The following LTN1 variants were observed in gnomAD, a reference collection of about 807,000 sequenced individuals.
LTN1 encodes the protein listerin E3 ubiquitin protein ligase 1.
In LTN1, 88 loss-of-function variants were observed where a neutral mutation model predicts 201.2. That is an observed-to-expected ratio of 0.44 (90% confidence interval 0.37 to 0.52). The LOEUF (loss-of-function observed/expected upper bound fraction) is 0.52, where lower values mean the gene tolerates loss of function less well. Among genes scored for constraint, LTN1 ranks in the 20% least tolerant of loss-of-function variants. LTN1 has a pLI of 0.00. For synonymous variants in LTN1, 645 were observed against 713.5 expected (o/e 0.90, Z 1.53); for missense variants, 1,752 against 2,038.7 (o/e 0.86, Z 2.71).
chr21:28,943,120 A>G (rs1601169311), intron 24 of LTN1, 142 bp downstream of exon 24: 2 of 513,842 alleles, frequency 3.9e-6, no homozygotes, highest in East Asian at 6.4e-5. Flanking sequence ...TATTTCATTT[A>G]TATCTTACAG....
chr21:28,935,039 T>A (rs2146256410), intron 27 of LTN1, 70 bp downstream of exon 27: 1 of 986,318 alleles, frequency 1.0e-6, no homozygotes, highest in East Asian at 2.4e-5. Context: ...CAGTCTGTTA[T>A]GATATTAACA....
In LTN1 at chr21:28,948,011, T is replaced by C. The variant is rs531522231; in HGVS notation, c.3345-405A>G. On this transcript the variant is annotated intron_variant, in intron 18 of 29. Transcript: ENST00000361371. ...TTTGAGACCAGCCTGGCGAACATAG[T>C]GATACCCCATCTCTACTAAATATAC... Among the ~76,000 whole-genome samples, 395 of 151,338 alleles carry C rather than the reference T, an allele frequency of 2.6e-3. 3 individuals are homozygous for C. Among genetic ancestry groups the C allele is most frequent in the Non-Finnish European group, 4.0e-3 (274 of 67,868 alleles).
At chr21:28,984,353 A>ATG (rs1405310427) in intron 4 of LTN1, among the ~76,000 whole-genome samples, 1 of 151,920 alleles carries the variant, frequency 6.6e-6, no homozygotes, top group African/African-American at 2.4e-5. Flanking sequence ...ATATATATAT[A>ATG]TTGATATGGA....
intron 16 of LTN1, among the ~76,000 whole-genome samples, chr21:28,953,907 G>T (rs1184624576): frequency 1.3e-5 from 2 of 152,068 alleles, no homozygotes; most frequent in Non-Finnish European, 2.9e-5. Flanking sequence ...TAATTAAATG[G>T]CCAAGTATCT....
intron 6 of LTN1, among the ~76,000 whole-genome samples, chr21:28,976,599 C>CA (rs11315471): frequency 0.11 from 7,777 of 71,358 alleles, 248 homozygotes; most frequent in Middle Eastern, 0.27. Flanking sequence ...GATTCTGTCT[C>CA]AAAAAAAAAA....
intron 12 of LTN1, 34 bp from the exon 13 acceptor site, chr21:28,959,731 A>T (rs2084459361): frequency 6.7e-7 from 1 of 1,494,912 alleles, no homozygotes; most frequent in African/African-American, 1.4e-5. Context: ...GACAAAAAAT[A>T]AAAATATTAA....
In LTN1 at chr21:28,992,829, G is replaced by T. The variant is rs367721639; in HGVS notation, c.-24C>A. On this transcript the variant is annotated 5_prime_UTR_variant, in exon 1 of 30. Transcript: ENST00000361371. ...ATGGTCGCGGTTGCAGCTGTACTCTGAGCACTCAGACCCCGGTTGACACGT... is the reference window on the plus strand; with the variant it reads ...ATGGTCGCGGTTGCAGCTGTACTCTTAGCACTCAGACCCCGGTTGACACGT... 1 of 1,614,214 alleles carries T rather than the reference G, an allele frequency of 6.2e-7. No homozygotes were observed. Among genetic ancestry groups the T allele is most frequent in the Non-Finnish European group, 8.5e-7 (1 of 1,180,030 alleles).
chr21:28,959,639 TAA>T lies in LTN1; in HGVS notation c.2410_2411del (p.Leu804IlefsTer10), dbSNP rs2084458438. ...CTTCTGATAATTTCTTTGTTTTGAA[TAA>T]AGTTTCATGAAGTCTAACAATGATT... Reference protein sequence around the residue: ...ERIIVRLHETLFKTKKLSEAE... With the variant: ...ERIIVRLHETXFKTKKLSEAE... On this transcript the variant is annotated frameshift_variant, in exon 13 of 30. Transcript: ENST00000361371. LOFTEE classifies it high-confidence loss of function. 6.2e-7 allele frequency: 1 copy of T among 1,613,716 alleles called. No individual in the cohort carries two copies.
At chr21:28,992,637 G>A in intron 1 of LTN1, 127 bp downstream of exon 1, 2 of 979,392 alleles carry the variant, frequency 2.0e-6, no homozygotes, top group East Asian at 2.6e-5. Flanking sequence ...CAACAGAGAG[G>A]TCACACTCGA....
At chr21:28,933,429 T>C (rs1333146906) in intron 27 of LTN1, among the ~76,000 whole-genome samples, 2 of 152,198 alleles carry the variant, frequency 1.3e-5, no homozygotes, top group African/African-American at 4.8e-5. Context: ...ATTTCAAAGA[T>C]TTTAACTCTG....
chr21:28,932,707 T>G, intron 27 of LTN1, 43 bp from the exon 28 acceptor site: 1 of 1,405,424 alleles, frequency 7.1e-7, no homozygotes, highest in Non-Finnish European at 9.9e-7. Flanking sequence ...AATTTCTGTC[T>G]TTCAACCAGA....
At chr21:28,981,758 G>A (rs2084660215) in intron 5 of LTN1, among the ~76,000 whole-genome samples, 1 of 152,126 alleles carries the variant, frequency 6.6e-6, no homozygotes, top group Admixed American at 6.5e-5. Context: ...AGTAAAGAAG[G>A]AAACATATAA....
At position 28,948,367 on chromosome 21, in the gene LTN1, G is replaced by A. The variant is rs538125704; in HGVS notation, c.3345-761C>T. Among the ~76,000 whole-genome samples the A allele has an allele frequency of 4.3e-3, 637 of 147,430 alleles. 2 individuals are homozygous for A. Among genetic ancestry groups the A allele is most frequent in the African/African-American group, 0.015 (596 of 39,956 alleles). On this transcript the variant is annotated intron_variant, in intron 18 of 29. Transcript: ENST00000361371. ...TCATTGCAACCTCTGCCTCCCAGGT[G>A]CAAGTGATTCTCCTGTCTCAGCCTC...
intron 6 of LTN1, among the ~76,000 whole-genome samples, chr21:28,980,604 CAGTT>C (rs1447564348): frequency 1.3e-5 from 2 of 151,298 alleles, no homozygotes; most frequent in African/African-American, 4.9e-5. Flanking sequence ...CTGGTTATGT[CAGTT>C]ATCAACTGAC....
intron 6 of LTN1, among the ~76,000 whole-genome samples, chr21:28,978,661 A>C (rs1354681160): frequency 6.6e-6 from 1 of 152,236 alleles, no homozygotes; most frequent in Non-Finnish European, 1.5e-5. Context: ...GACATAAGAC[A>C]CATGGGAGAG....
At position 28,944,557 on chromosome 21, in the gene LTN1, C is replaced by G. The variant is rs772716829; in HGVS notation, c.3808G>C (p.Val1270Leu). 6 of 1,613,850 alleles carry G rather than the reference C, an allele frequency of 3.7e-6. No homozygotes were observed. In the East Asian group the frequency reaches 1.3e-4, roughly 36 times the overall value. ...CAGCTGACACAGGCAAACAGTTGCACAAGTGGAATAGAATACAATGCCTGA... is the reference window on the plus strand; with the variant it reads ...CAGCTGACACAGGCAAACAGTTGCAGAAGTGGAATAGAATACAATGCCTGA... ...ENQALYSIPLVQLFACVSCDL... is the reference protein window; with the variant it reads ...ENQALYSIPLLQLFACVSCDL... The change falls in exon 22 of 30, where the codon GTG becomes CTG. Residue 1270 changes from valine to leucine, a missense_variant. By Grantham distance (32) the Val-to-Leu change is conservative. Transcript: ENST00000361371.
intron 15 of LTN1, 22 bp from the exon 16 acceptor site, chr21:28,956,970 TAC>T: frequency 2.1e-6 from 3 of 1,431,938 alleles, no homozygotes; most frequent in Non-Finnish European, 2.8e-6. Flanking sequence ...ATACGTTATA[TAC>T]AAAATTATTT....
chr21:28,961,791 T>G (rs891224558), intron 11 of LTN1, among the ~76,000 whole-genome samples: 5 of 152,144 alleles, frequency 3.3e-5, no homozygotes, highest in Non-Finnish European at 5.9e-5. Context: ...ATGGTTTTTT[T>G]AAAAGATGAC....
chr21:28,979,908 G>C (rs1285511959), intron 6 of LTN1, among the ~76,000 whole-genome samples: 1 of 152,170 alleles, frequency 6.6e-6, no homozygotes, highest in Non-Finnish European at 1.5e-5. Flanking sequence ...GGAGGCAGAG[G>C]TTGCAGTGAG....
Sources: gnomAD v4.1 joint callset for allele counts (sites outside exome capture counted in the v4.1 genomes callset) on GRCh38, gnomAD v4.1.1 for gene constraint, MANE v1.5 for transcripts, NCBI Gene and HGNC (gene_info 2026-07-23, HGNC 2026-07-21) for gene names.